Variants in KLHDC7B observed in about 807,000 individuals in gnomAD.
KLHDC7B encodes kelch domain containing 7B.
KLHDC7B carries 1 observed loss-of-function variant against 0.6 expected under a neutral mutation model. That is an observed-to-expected ratio of 1.71 (90% confidence interval 0.61 to 8.11). KLHDC7B has a LOEUF of 8.11. KLHDC7B is among the 30% of genes most tolerant of loss of function. KLHDC7B has a pLI of 0.13. For missense variants in KLHDC7B, 993 were observed against 894.9 expected, an observed-to-expected ratio of 1.11 and a Z score of -1.40; for synonymous variants, 462 against 405.2, an observed-to-expected ratio of 1.14 and a Z score of -1.68.
At position 50,549,639 on chromosome 22, in the gene KLHDC7B, G is replaced by A. The variant is rs1352664853; in HGVS notation, c.3396G>A (p.Leu1132=). 2 of 1,555,680 alleles carry A rather than the reference G, an allele frequency of 1.3e-6. No homozygotes were observed. Among genetic ancestry groups the A allele is most frequent in the African/African-American group, 2.7e-5 (2 of 73,730 alleles). ...GGCGTTCCAGCGACATCGTGGCACT[G>A]GGGGGCTTCCTGTACCGCTTCGACC... ...SHRRSSDIVA[L]GGFLYRFDLL... The change falls in exon 1 of 1, where the codon CTG becomes CTA. Residue 1132 remains leucine (L), a synonymous_variant. Transcript: ENST00000648057.
rs1029006618 is a variant in KLHDC7B at position 50,550,047 on chromosome 22, C to T, written c.*96C>T. 22 of 1,254,952 alleles carry T rather than the reference C, an allele frequency of 1.8e-5. No homozygotes were observed. The highest frequency in any genetic ancestry group is 2.2e-5 in the Non-Finnish European group (20 of 928,928). The allele number at this position is 1,254,952 out of a possible 1,614,324, so 77.7% of individuals were successfully genotyped here. A position where few individuals can be genotyped will look rare whatever the true frequency, so the allele number is the denominator to read the frequency against. On this transcript the variant is annotated 3_prime_UTR_variant, in exon 1 of 1. Transcript: ENST00000648057. ...CGGGGCTCAGGGAAGGGGCTGGGAT[C>T]GGAACTTCCTGCTCTTGTTTCTGGA...
chr22:50,546,732 G>A lies in KLHDC7B; in HGVS notation c.489G>A (p.Leu163=), dbSNP rs1009973104. Among the ~76,000 whole-genome samples, 2 of 152,156 alleles carry A rather than the reference G, an allele frequency of 1.3e-5. No individual in the cohort carries two copies. Among genetic ancestry groups the A allele is most frequent in the Non-Finnish European group, 2.9e-5 (2 of 68,000 alleles). Residue 163 remains leucine, a synonymous_variant, in exon 1 of 1, where the codon CTG becomes CTA. Transcript: ENST00000648057. ...CTCCCAGGCCAGGCACTGCCCTCCT[G>A]GGCAGGAGCGAAGCAGGGGGGATGT... is the stretch of plus-strand genomic sequence containing the variant. ...KEPPRPGTAL[L]GRSEAGGMSA... is the part of the protein sequence containing the mutation.
Position 50,548,890 on chromosome 22 carries a change from A to G in KLHDC7B, c.2647A>G (p.Thr883Ala). 1 of 1,579,226 alleles carries G rather than the reference A, an allele frequency of 6.3e-7. No homozygotes were observed. The part of the protein sequence containing the change: ...QHGEPGLAQE[T>A]YALMSDNLLR... ...CGGAGAGCCCGGCCTGGCGCAGGAG[A>G]CCTACGCGCTGATGAGCGACAACCT... The change falls in exon 1 of 1, where the codon ACC (threonine) becomes GCC (alanine). Residue 883 changes from threonine to alanine, a missense_variant. Transcript: ENST00000648057. The surrounding 1 kb of genome is among the most constrained non-coding windows in gnomAD (Gnocchi z 5.3).
Position 50,548,400 on chromosome 22 carries a change from T to TC in KLHDC7B, c.239dup (p.Gly81ArgfsTer507). ...CCAACGGATCGCCCAGCCCAGACCC[T>TC]CCCCCAGGCCTAAGAGGAGAGGGAA... On this transcript the variant is annotated frameshift_variant, in exon 1 of 1. Coordinates refer to the KLHDC7B transcript ENST00000395676. LOFTEE classifies it low-confidence loss of function (END_TRUNC). This position sits in a 1 kb window ranked among gnomAD's most constrained non-coding sequence, Gnocchi z 5.3. 1 of 1,555,236 alleles carries TC rather than the reference T, an allele frequency of 6.4e-7. No homozygotes were observed. Among genetic ancestry groups the TC allele is most frequent in the Non-Finnish European group, 8.7e-7 (1 of 1,149,690 alleles).
chr22:50,550,380 G>C lies in KLHDC7B; in HGVS notation c.*429G>C, dbSNP rs1475822659. ...AGGACAGGGAGCAAAAACGTCCCCA[G>C]GCAACGCCCTCGCCTCTGGGACTTT... On this transcript the variant is annotated 3_prime_UTR_variant, in exon 1 of 1. Coordinates refer to ENST00000648057, the MANE Select transcript of KLHDC7B (RefSeq NM_138433.5). The C allele has an allele frequency of 5.4e-6, 1 of 184,092 alleles. No individual in the cohort carries two copies. The highest frequency in any genetic ancestry group is 1.7e-4 in the East Asian group (1 of 6,024). 11.4% of individuals were successfully genotyped at this position (184,092 alleles called of 1,614,324 possible).
At position 50,550,274 on chromosome 22, in the gene KLHDC7B, C is replaced by T. The variant is rs182240520; in HGVS notation, c.*323C>T. The T allele has an allele frequency of 5.6e-5, 19 of 337,488 alleles. No individual in the cohort carries two copies. The highest frequency in any genetic ancestry group is 3.6e-4 in the African/African-American group (17 of 47,064). 20.9% of individuals were successfully genotyped at this position (337,488 alleles called of 1,614,324 possible). A position where few individuals can be genotyped will look rare whatever the true frequency, so the allele number is the denominator to read the frequency against. ...CCAGGGACTGATGCGTCTCCACAGA[C>T]AAGGACTTGGCTCGCTGGAGCTCTG... On this transcript the variant is annotated 3_prime_UTR_variant, in exon 1 of 1. Transcript: ENST00000648057.
At position 50,545,989 on chromosome 22, in the gene KLHDC7B, GGTGGGGT is replaced by G. The variant is rs1213119043; in HGVS notation, c.-253_-247del. ...CGAGGAGGAGAAGAGGGCAGGAGCTGGTGGGGTGCTTGCAGAGACCCTGGGCTCCTAT... is the reference window on the plus strand; with the variant it reads ...CGAGGAGGAGAAGAGGGCAGGAGCTGGCTTGCAGAGACCCTGGGCTCCTAT... On this transcript the variant is annotated 5_prime_UTR_variant, in exon 1 of 1. The change creates a premature stop within an existing upstream ORF in the 5' untranslated region. Transcript: ENST00000648057. Among the ~76,000 whole-genome samples, 159 of 53,084 alleles carry G rather than the reference GGTGGGGT, an allele frequency of 3.0e-3. No homozygotes were observed. The highest frequency in any genetic ancestry group is 7.8e-3 in the Middle Eastern group (1 of 128). The allele number at this position is 53,084 out of a possible 152,430, so 34.8% of individuals were successfully genotyped here.
rs1448236902 is a variant in KLHDC7B, at chr22:50,546,679, G to C, written c.436G>C (p.Ala146Pro). Residue 146 changes from alanine (A) to proline (P), a missense_variant, in exon 1 of 1, where the codon GCG becomes CCG. By Grantham distance (27) the Ala-to-Pro change is conservative. Transcript: ENST00000648057. ...LGQQRGSATP[A>P]APRAEGKEPP... ...ACAGCAACGGGGCAGTGCCACCCCC[G>C]CGGCCCCCCGAGCGGAAGGAAAGGA... Among the ~76,000 whole-genome samples, 2 of 152,150 alleles carry C rather than the reference G, an allele frequency of 1.3e-5. No individual in the cohort carries two copies. Among genetic ancestry groups the C allele is most frequent in the African/African-American group, 4.8e-5 (2 of 41,444 alleles).
rs36040764 is a variant in KLHDC7B, at chr22:50,548,657, G to A, written c.2414G>A (p.Ser805Asn). The change falls in exon 1 of 1, where the codon AGC (serine) becomes AAC (asparagine). Residue 805 changes from serine (S) to asparagine (N), a missense_variant. By Grantham distance (46) the Ser-to-Asn change is conservative. Coordinates refer to ENST00000648057, the MANE Select transcript of KLHDC7B (RefSeq NM_138433.5). The surrounding 1 kb of genome is among the most constrained non-coding windows in gnomAD (Gnocchi z 5.3). ...PQGEAPGEGGSPAGRSGALTE... is the reference protein window; with the variant it reads ...PQGEAPGEGGNPAGRSGALTE... ...GGGGAGGCGCCGGGGGAGGGGGGCA[G>A]CCCTGCCGGCCGCAGCGGGGCGCTC... 97 of 1,521,172 alleles carry A rather than the reference G, an allele frequency of 6.4e-5. No homozygotes were observed. Among genetic ancestry groups the A allele is most frequent in the Non-Finnish European group, 7.5e-5 (85 of 1,135,128 alleles). The allele number at this position is 1,521,172 out of a possible 1,614,324, so 94.2% of individuals were successfully genotyped here. A position where few individuals can be genotyped will look rare whatever the true frequency, so the allele number is the denominator to read the frequency against.
rs767550038 is a variant in KLHDC7B at position 50,549,050 on chromosome 22, G to A, written c.2807G>A (p.Gly936Asp). ...GTACTGCCCAGCCTCTACCAGGGGG[G>A]CCGCTCAGGGCTCCCCAGGGGCCCT... ...VLVLPSLYQGGRSGLPRGPRG... is the reference protein window; with the variant it reads ...VLVLPSLYQGDRSGLPRGPRG... Residue 936 changes from glycine to aspartate, a missense_variant, in exon 1 of 1, where the codon GGC (glycine) becomes GAC (aspartate). By Grantham distance (94) the Gly-to-Asp change is moderately conservative (BLOSUM62 -1). Transcript: ENST00000648057. 8 of 1,596,524 alleles carry A rather than the reference G, an allele frequency of 5.0e-6. No individual in the cohort carries two copies. The highest frequency in any genetic ancestry group is 1.1e-5 in the South Asian group (1 of 90,636).
chr22:50,547,897 ACCC>A lies in KLHDC7B; in HGVS notation c.1656_1658del (p.Pro553del), dbSNP rs2069750151. 2.9e-6 allele frequency: 1 copy of A among 348,992 alleles called. No homozygotes were observed. The highest frequency in any genetic ancestry group is 4.8e-5 in the East Asian group (1 of 20,650). The allele number at this position is 348,992 out of a possible 1,614,324, so 21.6% of individuals were successfully genotyped here. A position where few individuals can be genotyped will look rare whatever the true frequency, so the allele number is the denominator to read the frequency against. On this transcript the variant is annotated inframe_deletion, in exon 1 of 1. Coordinates refer to ENST00000648057, the MANE Select transcript of KLHDC7B (RefSeq NM_138433.5). ...ATCCCCAGCCCTAACCCCAGTCCCA[ACCC>A]CAGCCCTAAGCCCAGCTCCAACTCC...
chr22:50,549,334 C>A lies in KLHDC7B; in HGVS notation c.3091C>A (p.Pro1031Thr). ...PLTNIWSQVRPMQQARAQLKL... is the reference protein window; with the variant it reads ...PLTNIWSQVRTMQQARAQLKL... ...GACCAACATCTGGAGCCAGGTTCGG[C>A]CCATGCAGCAGGCCCGAGCCCAGCT... is the stretch of plus-strand genomic sequence containing the variant. The change falls in exon 1 of 1, where the codon CCC becomes ACC. Residue 1031 changes from proline (P) to threonine (T), a missense_variant. Coordinates refer to ENST00000648057, the MANE Select transcript of KLHDC7B (RefSeq NM_138433.5). 6.2e-7 allele frequency: 1 copy of A among 1,612,824 alleles called. No homozygotes were observed. The highest frequency in any genetic ancestry group is 8.5e-7 in the Non-Finnish European group (1 of 1,179,990).
At position 50,549,067 on chromosome 22, in the gene KLHDC7B, AG is replaced by A. The variant is rs749405486; in HGVS notation, c.905del (p.Gly302AlafsTer34). The A allele has an allele frequency of 4.3e-4, 684 of 1,599,284 alleles. No individual in the cohort carries two copies. The highest frequency in any genetic ancestry group is 5.2e-4 in the Non-Finnish European group (613 of 1,179,010). On this transcript the variant is annotated frameshift_variant, in exon 1 of 1. Transcript: ENST00000395676. LOFTEE classifies it low-confidence loss of function (END_TRUNC). ...CCAGGGGGGCCGCTCAGGGCTCCCC[AG>A]GGGCCCTCGTGGCGAGGAGCCTCCT...
rs1287054648 is a variant in KLHDC7B at position 50,549,225 on chromosome 22, C to T, written c.2982C>T (p.His994=). ...PLRGCGLCTM[H]NYLFLAGGIR... ...GGGGCTGCGGTCTCTGCACCATGCACAACTACCTGTTTCTGGCGGGGGGCA... is the reference window on the plus strand; with the variant it reads ...GGGGCTGCGGTCTCTGCACCATGCATAACTACCTGTTTCTGGCGGGGGGCA... The change falls in exon 1 of 1, where the codon CAC becomes CAT. Residue 994 remains histidine (H), a synonymous_variant. Coordinates refer to ENST00000648057, the MANE Select transcript of KLHDC7B (RefSeq NM_138433.5). The T allele has an allele frequency of 6.2e-7, 1 of 1,608,706 alleles. No homozygotes were observed. Among genetic ancestry groups the T allele is most frequent in the Non-Finnish European group, 8.5e-7 (1 of 1,179,944 alleles).
rs1045364231 is a variant in KLHDC7B, at chr22:50,545,953, C to G, written c.-291C>G. Among the ~76,000 whole-genome samples, 5 of 150,534 alleles carry G rather than the reference C, an allele frequency of 3.3e-5. No individual in the cohort carries two copies. The highest frequency in any genetic ancestry group is 9.7e-5 in the African/African-American group (4 of 41,162). ...GAGCTCAGGAACGCTGCCTGAGGAC[C>G]CTGGGGCCTACGAGGAGGAGAAGAG... On this transcript the variant is annotated 5_prime_UTR_variant, in exon 1 of 1. Transcript: ENST00000648057.
In KLHDC7B at chr22:50,549,248, G is replaced by C; in HGVS notation, c.3005G>C (p.Gly1002Ala). ...CACAACTACCTGTTTCTGGCGGGGG[G>C]CATCCGTGGCTCCGGTGCCAAGGCC... ...TMHNYLFLAG[G>A]IRGSGAKAVC... Residue 1002 changes from glycine to alanine, a missense_variant, in exon 1 of 1, where the codon GGC becomes GCC. By Grantham distance (60) the Gly-to-Ala change is moderately conservative. Coordinates refer to ENST00000648057, the MANE Select transcript of KLHDC7B (RefSeq NM_138433.5). The C allele has an allele frequency of 6.2e-7, 1 of 1,609,994 alleles. No individual in the cohort carries two copies. Among genetic ancestry groups the C allele is most frequent in the Non-Finnish European group, 8.5e-7 (1 of 1,179,932 alleles).
At position 50,549,681 on chromosome 22, in the gene KLHDC7B, C is replaced by T. The variant is rs763398233; in HGVS notation, c.3438C>T (p.Gly1146=). The change falls in exon 1 of 1, where the codon GGC becomes GGT. Residue 1146 remains glycine, a synonymous_variant. Transcript: ENST00000648057. The part of the protein sequence containing the change: ...LYRFDLLRGV[G]AAVMRYNTVT... ...GCTTCGACCTGCTGCGGGGCGTGGG[C>T]GCCGCCGTGATGCGCTACAACACAG... 2.9e-5 allele frequency: 45 copies of T among 1,554,604 alleles called. No individual in the cohort carries two copies. The highest frequency in any genetic ancestry group is 1.5e-4 in the South Asian group (12 of 82,210).
In KLHDC7B at chr22:50,549,675, C is replaced by A. The variant is rs566545258; in HGVS notation, c.3432C>A (p.Gly1144=). The A allele has an allele frequency of 5.8e-6, 9 of 1,553,682 alleles. No individual in the cohort carries two copies. In the South Asian group the frequency reaches 1.1e-4, roughly 19 times the overall value. ...TGTACCGCTTCGACCTGCTGCGGGG[C>A]GTGGGCGCCGCCGTGATGCGCTACA... The part of the protein sequence containing the change: ...GFLYRFDLLR[G]VGAAVMRYNT... The change falls in exon 1 of 1, where the codon GGC becomes GGA. Residue 1144 remains glycine (G), a synonymous_variant. Transcript: ENST00000648057.
Position 50,549,399 on chromosome 22 carries a change from T to G in KLHDC7B, c.3156T>G (p.Gly1052=), listed in dbSNP as rs2069777730. ...VALDGLLYAI[G]GECLYSMECY... ...TGGACGGGCTGCTCTATGCCATCGGTGGCGAATGCCTGTACAGCATGGAGT... is the reference window on the plus strand; with the variant it reads ...TGGACGGGCTGCTCTATGCCATCGGGGGCGAATGCCTGTACAGCATGGAGT... The change falls in exon 1 of 1, where the codon GGT becomes GGG. Residue 1052 remains glycine, a synonymous_variant. Coordinates refer to ENST00000648057, the MANE Select transcript of KLHDC7B (RefSeq NM_138433.5). 1 of 1,612,664 alleles carries G rather than the reference T, an allele frequency of 6.2e-7. No individual in the cohort carries two copies. Among genetic ancestry groups the G allele is most frequent in the African/African-American group, 1.3e-5 (1 of 74,930 alleles).
Sources: allele counts gnomAD v4.1 joint callset (sites outside exome capture counted in the v4.1 genomes callset), GRCh38; gene constraint gnomAD v4.1.1; non-coding constraint Gnocchi (gnomAD v3.1); transcripts MANE v1.5; gene names NCBI Gene and HGNC (gene_info 2026-07-23, HGNC 2026-07-21).